The following TDRD3 variants were observed in gnomAD, a reference collection of about 807,000 sequenced individuals.
TDRD3 encodes tudor domain-containing protein 3.
In TDRD3, 45 loss-of-function variants were observed where a neutral mutation model predicts 86.7. That is an observed-to-expected ratio of 0.52 (90% CI 0.41 to 0.67). The LOEUF (loss-of-function observed/expected upper bound fraction) is 0.67, where lower values mean the gene tolerates loss of function less well. Ranked by LOEUF, TDRD3 falls within the 30% of genes least tolerant of loss-of-function variation. TDRD3 has a pLI of 0.00. For synonymous variants in TDRD3, 298 were observed against 301.7 expected, an observed-to-expected ratio of 0.99 and a Z score of 0.13; for missense variants, 814 against 889.0, an observed-to-expected ratio of 0.92 and a Z score of 1.07.
chr13:60,409,600 T>G (rs1265035329), intron 1 of TDRD3, among the ~76,000 whole-genome samples: 1 of 152,184 alleles, frequency 6.6e-6, no homozygotes, highest in Non-Finnish European at 1.5e-5. Context: ...CCACTAGATT[T>G]CAGACTTGCC....
chr13:60,528,531 T>G lies in TDRD3; in HGVS notation c.1306T>G (p.Ser436Ala). The G allele has an allele frequency of 6.2e-7, 1 of 1,613,930 alleles. No homozygotes were observed. Residue 436 changes from serine to alanine, a missense_variant, in exon 11 of 14, where the codon TCA becomes GCA. Ser to Ala is a moderately conservative substitution (Grantham distance 99). Transcript: ENST00000377881. ...PPRFQRDSQN[S>A]KSVLEGSGLP... ...TCGTTTTCAAAGAGACTCCCAAAAT[T>G]CAAAGTCAGTTTTAGAAGGCAGTGG...
At chr13:60,413,664 G>A (rs1412600196) in intron 1 of TDRD3, among the ~76,000 whole-genome samples, 1 of 152,130 alleles carries the variant, frequency 6.6e-6, no homozygotes. Context: ...ATACATTCAT[G>A]TTACTTGCAC....
intron 5 of TDRD3, among the ~76,000 whole-genome samples, chr13:60,472,970 C>G (rs1956104040): frequency 6.6e-6 from 1 of 152,154 alleles, no homozygotes; most frequent in Admixed American, 6.5e-5. Context: ...TACTATCTTG[C>G]TATTTCTTTT....
At chr13:60,548,198 A>G (rs957230126) in intron 12 of TDRD3, among the ~76,000 whole-genome samples, 2 of 152,188 alleles carry the variant, frequency 1.3e-5, no homozygotes, top group African/African-American at 4.8e-5. Context: ...TTTGAATATT[A>G]TCTGATTTGC....
chr13:60,550,925 A>G (rs1319433105), intron 12 of TDRD3, among the ~76,000 whole-genome samples: 1 of 152,188 alleles, frequency 6.6e-6, no homozygotes, highest in African/African-American at 2.4e-5. Flanking sequence ...TCATTTAAGT[A>G]TAGGAGCTGC....
chr13:60,431,914 C>G (rs1954964025), intron 1 of TDRD3, among the ~76,000 whole-genome samples: 1 of 151,816 alleles, frequency 6.6e-6, no homozygotes, highest in Non-Finnish European at 1.5e-5. Flanking sequence ...CTTTATTTAT[C>G]TGATCCATTT....
chr13:60,407,825 G>T (rs1008292607), intron 1 of TDRD3, among the ~76,000 whole-genome samples: 4 of 152,158 alleles, frequency 2.6e-5, no homozygotes, highest in Non-Finnish European at 4.4e-5. Flanking sequence ...ATATGGTGTG[G>T]CTGTGTTCCG....
chr13:60,544,879 T>C (rs563311904), intron 12 of TDRD3, among the ~76,000 whole-genome samples: 32 of 152,302 alleles, frequency 2.1e-4, no homozygotes, highest in African/African-American at 7.5e-4. Flanking sequence ...TAAATCTTGA[T>C]AGTATCAGAA....
intron 1 of TDRD3, among the ~76,000 whole-genome samples, chr13:60,398,931 T>A (rs189272697): frequency 6.6e-6 from 1 of 152,334 alleles, no homozygotes; most frequent in African/African-American, 2.4e-5. Context: ...TCTCCCCATT[T>A]CTCATTAGGT....
intron 12 of TDRD3, among the ~76,000 whole-genome samples, chr13:60,548,783 AC>A (rs1230164796): frequency 6.6e-6 from 1 of 152,190 alleles, no homozygotes; most frequent in Non-Finnish European, 1.5e-5. Context: ...GTACTCTTAT[AC>A]ATTGCTGATG....
intron 12 of TDRD3, among the ~76,000 whole-genome samples, chr13:60,556,152 A>G (rs73208101): frequency 0.12 from 18,006 of 152,130 alleles, 1,385 homozygotes; most frequent in South Asian, 0.26. Context: ...GGCCCAACCT[A>G]TTTCTTTTAA....
chr13:60,466,274 A>G (rs988439909), intron 4 of TDRD3, among the ~76,000 whole-genome samples: 13 of 152,178 alleles, frequency 8.5e-5, no homozygotes, highest in South Asian at 2.1e-4. Context: ...TTGAAATTCA[A>G]CTTTGTAACA....
chr13:60,485,729 T>C (rs1243635871), intron 6 of TDRD3, 70 bp from the exon 7 acceptor site: 1 of 1,262,538 alleles, frequency 7.9e-7, no homozygotes, highest in African/African-American at 1.5e-5. Context: ...TGAAGAAGTA[T>C]TACTTTCTAA....
At chr13:60,542,319 A>G (rs1957836342) in intron 12 of TDRD3, among the ~76,000 whole-genome samples, 1 of 152,132 alleles carries the variant, frequency 6.6e-6, no homozygotes, top group African/African-American at 2.4e-5. Context: ...GATCTGAAGG[A>G]TATTTTTGTT....
intron 3 of TDRD3, among the ~76,000 whole-genome samples, chr13:60,450,772 C>T (rs1300301995): frequency 6.6e-6 from 1 of 152,076 alleles, no homozygotes; most frequent in Non-Finnish European, 1.5e-5. Context: ...TGTAGTGAAA[C>T]AAATGCTATG....
At chr13:60,399,507 T>C (rs1954036893) in intron 1 of TDRD3, among the ~76,000 whole-genome samples, 1 of 152,198 alleles carries the variant, frequency 6.6e-6, no homozygotes, top group Non-Finnish European at 1.5e-5. Flanking sequence ...TCAGGTGGCT[T>C]CTACTAGGTC....
In TDRD3 at chr13:60,460,510, C is replaced by T; in HGVS notation, c.323C>T (p.Ala108Val). Residue 108 changes from alanine (A) to valine (V), a missense_variant, in exon 4 of 14, where the codon GCA becomes GTA. By Grantham distance (64) the Ala-to-Val change is moderately conservative. Coordinates refer to ENST00000377881, the MANE Select transcript of TDRD3 (RefSeq NM_001146070.2). Reference sequence around the variant, plus strand: ...ACTGATGGTCATATAAGTTGCACAGCAGTAGAATTTAGTTATATGTCAAAA... The same window carrying T: ...ACTGATGGTCATATAAGTTGCACAGTAGTAGAATTTAGTTATATGTCAAAA... ...QMTDGHISCTAVEFSYMSKIS... is the reference protein window; with the variant it reads ...QMTDGHISCTVVEFSYMSKIS... The T allele has an allele frequency of 6.4e-7, 1 of 1,566,158 alleles. No individual in the cohort carries two copies. The highest frequency in any genetic ancestry group is 8.6e-7 in the Non-Finnish European group (1 of 1,165,744).
chr13:60,463,657 T>TCAAC (rs1228476866), intron 4 of TDRD3, among the ~76,000 whole-genome samples: 10 of 148,000 alleles, frequency 6.8e-5, no homozygotes, highest in African/African-American at 2.5e-4. Context: ...GCTCAAATAA[T>TCAAC]AGCAAAAAAC....
chr13:60,532,629 C>T (rs895911140), intron 11 of TDRD3, among the ~76,000 whole-genome samples: 3 of 152,256 alleles, frequency 2.0e-5, no homozygotes, highest in African/African-American at 7.2e-5. Context: ...ATACATATTG[C>T]TTAAAAAATT....
Sources: allele counts gnomAD v4.1 joint callset (sites outside exome capture counted in the v4.1 genomes callset), GRCh38; gene constraint gnomAD v4.1.1; transcripts MANE v1.5; gene names NCBI Gene and HGNC (gene_info 2026-07-23, HGNC 2026-07-21).